TCF12: variants seen among roughly 807,000 people sequenced by gnomAD.
TCF12 encodes the protein DNA-binding protein HTF4.
TCF12 carries 45 observed loss-of-function variants against 86.0 expected under a neutral mutation model. The ratio of observed to expected loss-of-function variants is 0.52; its 90% CI spans 0.41 to 0.67. TCF12 has a LOEUF of 0.67. TCF12 is among the 30% of genes least tolerant of loss of function. The pLI, the probability that TCF12 is intolerant of heterozygous loss-of-function variation, is 0.00. For synonymous variants in TCF12, 330 were observed against 299.6 expected (o/e 1.10, Z -1.05); for missense variants, 881 against 859.9 (o/e 1.02, Z -0.31).
intron 3 of TCF12, among the ~76,000 whole-genome samples, chr15:56,986,070 A>G (rs1166843559): frequency 6.6e-6 from 1 of 152,116 alleles, no homozygotes; most frequent in Non-Finnish European, 1.5e-5. Flanking sequence ...GAAATAAGAA[A>G]TTTTTTGTAT....
chr15:57,079,869 T>A (rs1242549174), intron 4 of TCF12, among the ~76,000 whole-genome samples: 2 of 152,150 alleles, frequency 1.3e-5, no homozygotes, highest in South Asian at 4.1e-4. Context: ...TGAAGAGATA[T>A]TTTCTTTAAA....
At chr15:57,125,189 G>A (rs1413745533) in intron 5 of TCF12, among the ~76,000 whole-genome samples, 3 of 152,146 alleles carry the variant, frequency 2.0e-5, no homozygotes, top group African/African-American at 7.2e-5. Flanking sequence ...AAATTACTTG[G>A]AACTTTTATA....
chr15:57,279,596 G>A (rs941240735), intron 19 of TCF12, among the ~76,000 whole-genome samples: 2 of 152,002 alleles, frequency 1.3e-5, no homozygotes, highest in Non-Finnish European at 2.9e-5. Flanking sequence ...TGTTCTTCCT[G>A]CCAGAAGTGT....
At chr15:57,170,993 G>C (rs1451824685) in intron 6 of TCF12, among the ~76,000 whole-genome samples, 2 of 149,472 alleles carry the variant, frequency 1.3e-5, no homozygotes, top group East Asian at 4.0e-4. Context: ...ACATGGACTA[G>C]AGTTCATGCT....
upstream of TCF12, chr15:56,918,159 G>C (rs921111245): frequency 2.2e-6 from 1 of 455,526 alleles, no homozygotes; most frequent in South Asian, 1.6e-5. Flanking sequence ...AGCCCTCCTG[G>C]ACGGGAGCCT....
At chr15:57,137,252 G>A (rs1410733064) in intron 5 of TCF12, among the ~76,000 whole-genome samples, 1 of 152,130 alleles carries the variant, frequency 6.6e-6, no homozygotes, top group Non-Finnish European at 1.5e-5. Flanking sequence ...AAAGTGCTGG[G>A]ATTACAGGCG....
intron 3 of TCF12, among the ~76,000 whole-genome samples, chr15:56,941,844 A>G (rs1462897577): frequency 2.0e-5 from 3 of 152,080 alleles, no homozygotes; most frequent in Non-Finnish European, 4.4e-5. Context: ...ATGATCTCTG[A>G]TAAAGATTAT....
chr15:56,942,714 A>G (rs1231061565), intron 3 of TCF12, among the ~76,000 whole-genome samples: 1 of 152,196 alleles, frequency 6.6e-6, no homozygotes, highest in Non-Finnish European at 1.5e-5. Context: ...TTGAGGCAAA[A>G]TCTAAAGTAA....
intron 3 of TCF12, among the ~76,000 whole-genome samples, chr15:57,037,723 T>A (rs1371600570): frequency 6.6e-6 from 1 of 152,252 alleles, no homozygotes; most frequent in African/African-American, 2.4e-5. Flanking sequence ...AGTATCAATT[T>A]TAGTACTGAT....
chr15:57,076,434 C>T (rs1379996091), intron 4 of TCF12, among the ~76,000 whole-genome samples: 3 of 151,932 alleles, frequency 2.0e-5, no homozygotes, highest in African/African-American at 7.3e-5. Context: ...GAGGCGGGAT[C>T]ACAAGGTCAG....
At chr15:57,273,523 G>C (rs1731858707) in intron 19 of TCF12, among the ~76,000 whole-genome samples, 1 of 152,030 alleles carries the variant, frequency 6.6e-6, no homozygotes, top group African/African-American at 2.4e-5. Context: ...CTGCTGCTCA[G>C]CAATAGTGCT....
intron 3 of TCF12, among the ~76,000 whole-genome samples, chr15:56,925,620 A>C (rs2059978277): frequency 6.6e-6 from 1 of 152,194 alleles, no homozygotes; most frequent in African/African-American, 2.4e-5. Context: ...TTGTCTGCCT[A>C]GTGTTGTCAA....
intron 5 of TCF12, among the ~76,000 whole-genome samples, chr15:57,124,732 C>T (rs1158611663): frequency 6.6e-5 from 10 of 151,840 alleles, no homozygotes; most frequent in African/African-American, 2.4e-4. Context: ...GGCTGGAGTG[C>T]AGTGACGCGA....
intron 6 of TCF12, among the ~76,000 whole-genome samples, chr15:57,187,724 G>T (rs1352981463): frequency 2.0e-5 from 3 of 152,084 alleles, no homozygotes; most frequent in Non-Finnish European, 4.4e-5. Context: ...GAGGACAGGA[G>T]TTCAAGACCA....
chr15:56,977,726 A>G (rs537681507), intron 3 of TCF12, among the ~76,000 whole-genome samples: 58 of 152,264 alleles, frequency 3.8e-4, no homozygotes, highest in Middle Eastern at 3.4e-3. Context: ...GTTTTTGGCA[A>G]TTGAGTATTG....
At chr15:57,075,947 T>C (rs2069989495) in intron 4 of TCF12, among the ~76,000 whole-genome samples, 1 of 150,682 alleles carries the variant, frequency 6.6e-6, no homozygotes, top group Non-Finnish European at 1.5e-5. Context: ...TATTGCAGCA[T>C]TGAACCCCTG....
intron 13 of TCF12, among the ~76,000 whole-genome samples, chr15:57,245,996 G>A (rs187655843): frequency 1.3e-5 from 2 of 150,208 alleles, no homozygotes; most frequent in East Asian, 3.9e-4. Context: ...AAAGCACTGT[G>A]TGATAAAATA....
intron 5 of TCF12, among the ~76,000 whole-genome samples, chr15:57,104,447 T>TC (rs1340276549): frequency 4.2e-4 from 61 of 144,800 alleles, no homozygotes; most frequent in African/African-American, 1.5e-3. Context: ...TTTTTTTTTT[T>TC]TTTTTTTTTT....
intron 9 of TCF12, among the ~76,000 whole-genome samples, chr15:57,231,770 C>A (rs565202267): frequency 1.3e-5 from 2 of 152,262 alleles, no homozygotes; most frequent in Non-Finnish European, 2.9e-5. Flanking sequence ...TAAATTATTA[C>A]ATAAATGGTT....
Sources: allele counts gnomAD v4.1 joint callset (sites outside exome capture counted in the v4.1 genomes callset), GRCh38; gene constraint gnomAD v4.1.1; transcripts MANE v1.5; gene names NCBI Gene and HGNC (gene_info 2026-07-23, HGNC 2026-07-21).